Variants in NUDCD3 observed in about 807,000 individuals in gnomAD.
NUDCD3 encodes the protein NudC domain containing 3.
A neutral mutation model predicts 39.7 loss-of-function variants in NUDCD3; 13 were observed. The ratio of observed to expected loss-of-function variants is 0.33; its 90% CI spans 0.21 to 0.52. The LOEUF (loss-of-function observed/expected upper bound fraction) is 0.52. Among genes scored for constraint, NUDCD3 ranks in the 20% least tolerant of loss-of-function variants. The pLI is 0.96. For synonymous variants in NUDCD3, 175 were observed against 172.4 expected (o/e 1.02, Z -0.12); for missense variants, 453 against 458.1 (o/e 0.99, Z 0.10).
intron 5 of NUDCD3, among the ~76,000 whole-genome samples, chr7:44,389,787 G>A (rs961380165): frequency 1.3e-5 from 2 of 152,020 alleles, no homozygotes; most frequent in Non-Finnish European, 2.9e-5. Context: ...GAGACTGAGA[G>A]GAAGGTCAAG....
At chr7:44,478,678 TAGTC>T (rs1231616137) in intron 2 of NUDCD3, among the ~76,000 whole-genome samples, 2 of 152,222 alleles carry the variant, frequency 1.3e-5, no homozygotes, top group African/African-American at 4.8e-5. Context: ...TGTAGGTTAT[TAGTC>T]AGGGAGATGC....
intron 2 of NUDCD3, among the ~76,000 whole-genome samples, chr7:44,460,538 A>G (rs948926268): frequency 6.6e-6 from 1 of 152,196 alleles, no homozygotes; most frequent in African/African-American, 2.4e-5. Flanking sequence ...AAAACCCACC[A>G]GCATATATAA....
intron 3 of NUDCD3, chr7:44,425,935 T>A (rs1448758185): frequency 6.4e-6 from 1 of 156,530 alleles, no homozygotes; most frequent in Non-Finnish European, 1.4e-5. Context: ...GAAACTTTAG[T>A]GTTTGAAACT....
chr7:44,483,943 T>C (rs1462918881), intron 2 of NUDCD3, among the ~76,000 whole-genome samples: 1 of 152,112 alleles, frequency 6.6e-6, no homozygotes, highest in Non-Finnish European at 1.5e-5. Flanking sequence ...AAGAGTTCAA[T>C]TCATATATTG....
chr7:44,385,099 C>T lies in NUDCD3; in HGVS notation c.*912G>A, dbSNP rs1406727961. On this transcript the variant is annotated 3_prime_UTR_variant, in exon 6 of 6. Transcript: ENST00000355451. ...GCAGAAATTCCTCCTCTCCCAGAAG[C>T]CCTTCAAGGTCAAAGCTTCTCAGGA... 2.6e-5 allele frequency: 4 copies of T among 152,310 alleles called. No individual in the cohort carries two copies. Among genetic ancestry groups the T allele is most frequent in the Admixed American group, 2.6e-4 (4 of 15,282 alleles). The allele number at this position is 152,310 out of a possible 1,614,324, so 9.4% of individuals were successfully genotyped here. A position where few individuals can be genotyped will look rare whatever the true frequency, so the allele number is the denominator to read the frequency against.
intron 3 of NUDCD3, among the ~76,000 whole-genome samples, chr7:44,427,186 G>A (rs896889652): frequency 5.3e-5 from 8 of 152,300 alleles, no homozygotes; most frequent in African/African-American, 1.9e-4. Context: ...GGAAAAAAGA[G>A]AATTCACCAA....
At chr7:44,488,413 A>G (rs539251432) in intron 1 of NUDCD3, among the ~76,000 whole-genome samples, 2 of 151,912 alleles carry the variant, frequency 1.3e-5, no homozygotes, top group East Asian at 3.9e-4. Context: ...TCCAGAAAAC[A>G]TGACACCTCT....
rs1800047248 is a variant in NUDCD3 at position 44,462,988 on chromosome 7, TG to T, written c.509+21979del. Among the ~76,000 whole-genome samples, 4 of 131,506 alleles carry T rather than the reference TG, an allele frequency of 3.0e-5. No individual in the cohort carries two copies. In the South Asian group the frequency reaches 9.5e-4, roughly 31 times the overall value. 86.3% of individuals were successfully genotyped at this position (131,506 alleles called of 152,430 possible). A position where few individuals can be genotyped will look rare whatever the true frequency, so the allele number is the denominator to read the frequency against. On this transcript the variant is annotated intron_variant, in intron 2 of 5. Transcript: ENST00000355451. ...GTGTGTGTGTGTGTGTGTGTGTGTG[TG>T]TATACACAAAGATACAAAAGATTTA...
At chr7:44,404,684 C>CAG (rs1798784541) in intron 3 of NUDCD3, 101 bp from the exon 4 acceptor site, 1 of 1,246,676 alleles carries the variant, frequency 8.0e-7, no homozygotes, top group African/African-American at 1.5e-5. Context: ...TGACTGCACA[C>CAG]TACAGCGCTG....
chr7:44,402,311 T>A (rs1426176337), intron 4 of NUDCD3, among the ~76,000 whole-genome samples: 2 of 152,110 alleles, frequency 1.3e-5, no homozygotes, highest in Non-Finnish European at 2.9e-5. Flanking sequence ...TTAAAAGAAG[T>A]TAATGTTTTG....
intron 3 of NUDCD3, chr7:44,426,073 C>G: frequency 1.0e-6 from 1 of 954,390 alleles, no homozygotes; most frequent in Non-Finnish European, 1.2e-6. Context: ...CAGGCCTGGC[C>G]GTCCACTTCA....
intron 2 of NUDCD3, among the ~76,000 whole-genome samples, chr7:44,446,939 T>C (rs1444388429): frequency 6.6e-6 from 1 of 152,216 alleles, no homozygotes; most frequent in Non-Finnish European, 1.5e-5. Context: ...ATTTGAGAAT[T>C]CTCTGTAGTG....
At position 44,385,916 on chromosome 7, in the gene NUDCD3, G is replaced by C. The variant is rs1798392573; in HGVS notation, c.*95C>G. ...AGAAAGGATGGCTAGGGGTAAACAA[G>C]ACGAGCAAGTCCCTGGAATGCAGGG... On this transcript the variant is annotated 3_prime_UTR_variant, in exon 6 of 6. Transcript: ENST00000355451. 2 of 715,852 alleles carry C rather than the reference G, an allele frequency of 2.8e-6. No individual in the cohort carries two copies. The highest frequency in any genetic ancestry group is 5.1e-6 in the Non-Finnish European group (2 of 389,968). The allele number at this position is 715,852 out of a possible 1,614,324, so 44.3% of individuals were successfully genotyped here. A position where few individuals can be genotyped will look rare whatever the true frequency, so the allele number is the denominator to read the frequency against.
intron 2 of NUDCD3, among the ~76,000 whole-genome samples, chr7:44,473,411 G>A (rs975987773): frequency 6.6e-6 from 1 of 152,194 alleles, no homozygotes; most frequent in African/African-American, 2.4e-5. Flanking sequence ...GAAGGCAACA[G>A]AACGGCCTCA....
intron 2 of NUDCD3, among the ~76,000 whole-genome samples, chr7:44,450,742 T>C (rs1303585834): frequency 6.6e-6 from 1 of 152,162 alleles, no homozygotes; most frequent in Non-Finnish European, 1.5e-5. Context: ...GAAAACAATC[T>C]GGCACCTGAC....
intron 4 of NUDCD3, among the ~76,000 whole-genome samples, chr7:44,395,621 C>T (rs1798609611): frequency 6.6e-6 from 1 of 152,204 alleles, no homozygotes; most frequent in Admixed American, 6.5e-5. Context: ...AATGATTCTG[C>T]CTCTACAGAT....
chr7:44,384,888 A>G lies in NUDCD3; in HGVS notation c.*1123T>C, dbSNP rs1798374255. On this transcript the variant is annotated 3_prime_UTR_variant, in exon 6 of 6. Coordinates refer to ENST00000355451, the MANE Select transcript of NUDCD3 (RefSeq NM_015332.4). ...CTTTGCACCTTGGCTGGAGTCAGTC[A>G]GCAGCCATGGCTCAGGGCATAGGCT... is the stretch of plus-strand genomic sequence containing the variant. 1 of 152,286 alleles carries G rather than the reference A, an allele frequency of 6.6e-6. No homozygotes were observed. Among genetic ancestry groups the G allele is most frequent in the African/African-American group, 2.4e-5 (1 of 41,450 alleles). 9.4% of individuals were successfully genotyped at this position (152,286 alleles called of 1,614,324 possible). A position where few individuals can be genotyped will look rare whatever the true frequency, so the allele number is the denominator to read the frequency against.
chr7:44,433,190 GA>G (rs1563175384), intron 2 of NUDCD3, among the ~76,000 whole-genome samples: 2 of 152,186 alleles, frequency 1.3e-5, no homozygotes, highest in Non-Finnish European at 2.9e-5. Context: ...AGAACTGTGA[GA>G]AGTAAATTTC....
At chr7:44,468,406 T>C in intron 2 of NUDCD3, 2 of 914,614 alleles carry the variant, frequency 2.2e-6, no homozygotes, top group Non-Finnish European at 3.2e-6. Flanking sequence ...ACGAAAGAAT[T>C]TGTTTGTTCA....
Sources: allele counts gnomAD v4.1 joint callset (sites outside exome capture counted in the v4.1 genomes callset), GRCh38; gene constraint gnomAD v4.1.1; transcripts MANE v1.5; gene names NCBI Gene and HGNC (gene_info 2026-07-23, HGNC 2026-07-21).